TUSC3: variants seen among roughly 807,000 people sequenced by gnomAD.
TUSC3 encodes dolichyl-diphosphooligosaccharide--protein glycosyltransferase subunit TUSC3.
TUSC3 carries 45 observed loss-of-function variants against 44.8 expected under a neutral mutation model. That is an observed-to-expected ratio of 1.00 (90% CI 0.79 to 1.29). The LOEUF (loss-of-function observed/expected upper bound fraction) is 1.29. Ranked by LOEUF, TUSC3 falls within the 50% of genes most tolerant of loss-of-function variation. TUSC3 has a pLI of 0.00. For synonymous variants in TUSC3, 212 were observed against 152.9 expected (o/e 1.39, Z -2.85); for missense variants, 519 against 437.9 (o/e 1.19, Z -1.65).
intron 9 of TUSC3, among the ~76,000 whole-genome samples, chr8:15,756,308 A>G (rs1811926335): frequency 6.6e-6 from 1 of 152,132 alleles, no homozygotes; most frequent in Admixed American, 6.5e-5. Flanking sequence ...CTGTTTCTTA[A>G]TCTGTAAACT....
At chr8:15,575,379 T>C (rs1370864643) in intron 1 of TUSC3, among the ~76,000 whole-genome samples, 1 of 152,196 alleles carries the variant, frequency 6.6e-6, no homozygotes, top group Non-Finnish European at 1.5e-5. Flanking sequence ...AATTTTTATG[T>C]GGCAACTAAT....
At chr8:15,537,042 C>A (rs1164187914), upstream of TUSC3, among the ~76,000 whole-genome samples, 2 of 152,140 alleles carry the variant, frequency 1.3e-5, no homozygotes, top group Non-Finnish European at 2.9e-5. Flanking sequence ...ATCCCCTTTC[C>A]CCTTTGTTTT....
chr8:15,848,831 A>G, the TUSC3 span, among the ~76,000 whole-genome samples: 1 of 152,212 alleles, frequency 6.6e-6, no homozygotes, highest in Non-Finnish European at 1.5e-5. Flanking sequence ...CCTTAAAACA[A>G]GGAGGTTGAA....
chr8:15,679,610 T>G (rs975932262), intron 6 of TUSC3, among the ~76,000 whole-genome samples: 1 of 152,156 alleles, frequency 6.6e-6, no homozygotes, highest in Non-Finnish European at 1.5e-5. Context: ...AGGTTCCACT[T>G]GTCAATTTTT....
At chr8:15,704,428 TG>T (rs1316159001) in intron 6 of TUSC3, among the ~76,000 whole-genome samples, 1 of 151,882 alleles carries the variant, frequency 6.6e-6, no homozygotes. Context: ...TTAGGGACCT[TG>T]AATTTTAATC....
chr8:15,714,185 G>C (rs1809973382), intron 6 of TUSC3, among the ~76,000 whole-genome samples: 1 of 152,106 alleles, frequency 6.6e-6, no homozygotes, highest in Non-Finnish European at 1.5e-5. Flanking sequence ...AAAATGCTCT[G>C]TTATTGGAAT....
At chr8:15,643,399 T>A (rs550080949) in intron 2 of TUSC3, among the ~76,000 whole-genome samples, 1 of 144,916 alleles carries the variant, frequency 6.9e-6, no homozygotes, top group South Asian at 2.3e-4. Flanking sequence ...ATTAATATGT[T>A]ACTGTTAGTT....
At chr8:15,622,387 T>G (rs917613400) in intron 1 of TUSC3, among the ~76,000 whole-genome samples, 5 of 151,878 alleles carry the variant, frequency 3.3e-5, no homozygotes, top group Admixed American at 2.6e-4. Flanking sequence ...CCCACCTTGG[T>G]CTCCCAAAGT....
chr8:15,474,328 TG>T lies in TUSC3; in HGVS notation n.92-9057del, dbSNP rs1471255918. ...GTTAACACAATTATCACAGTGGTCCTGAGGTGATGTACATCCTCAGCTTACA... is the reference window on the plus strand; with the variant it reads ...GTTAACACAATTATCACAGTGGTCCTAGGTGATGTACATCCTCAGCTTACA... On this transcript the variant is annotated intron_variant and non_coding_transcript_variant, in intron 1 of 5. Coordinates refer to the TUSC3 transcript ENST00000503191. 7.6e-4 allele frequency among the ~76,000 whole-genome samples: 116 copies of T among 152,306 alleles called. 1 individual carries two copies. In the East Asian group the frequency reaches 0.018, roughly 23 times the overall value.
intron 6 of TUSC3, among the ~76,000 whole-genome samples, chr8:15,713,592 C>A (rs1370580485): frequency 1.3e-5 from 2 of 152,084 alleles, no homozygotes; most frequent in African/African-American, 4.8e-5. Flanking sequence ...ACATCCGAGA[C>A]CCAGGAGTCA....
intron 1 of TUSC3, among the ~76,000 whole-genome samples, chr8:15,543,153 G>C (rs150777381): frequency 6.6e-6 from 1 of 152,306 alleles, no homozygotes; most frequent in Admixed American, 6.5e-5. Flanking sequence ...CTGTCTAGCT[G>C]ACTTTAAAAC....
intron 6 of TUSC3, among the ~76,000 whole-genome samples, chr8:15,698,306 A>C (rs7813906): frequency 2.6e-5 from 4 of 152,120 alleles, no homozygotes; most frequent in Non-Finnish European, 2.9e-5. Flanking sequence ...TTCTACATCA[A>C]ATTCTGCAAG....
At chr8:15,470,574 C>G (rs932440983) in intron 1 of TUSC3, among the ~76,000 whole-genome samples, 10 of 152,082 alleles carry the variant, frequency 6.6e-5, no homozygotes, top group African/African-American at 2.2e-4. Context: ...AATTCTTGTA[C>G]TTTCTGCCCA....
At chr8:15,500,373 A>G (rs570955950) in intron 2 of TUSC3, among the ~76,000 whole-genome samples, 1 of 152,308 alleles carries the variant, frequency 6.6e-6, no homozygotes, top group South Asian at 2.1e-4. Context: ...ATTACCACCA[A>G]AGGTCCCATA....
intron 7 of TUSC3, among the ~76,000 whole-genome samples, chr8:15,740,167 T>C (rs1480358786): frequency 6.6e-6 from 1 of 152,060 alleles, no homozygotes; most frequent in African/African-American, 2.4e-5. Context: ...CCAGTGGAAG[T>C]GAGGGAGTAA....
chr8:15,834,547 C>T, the TUSC3 span, among the ~76,000 whole-genome samples: 1 of 152,092 alleles, frequency 6.6e-6, no homozygotes, highest in Non-Finnish European at 1.5e-5. Flanking sequence ...TCCTTTTTAA[C>T]AAGTTTTCAT....
chr8:15,442,787 G>T (rs1800037925), intron 1 of TUSC3, among the ~76,000 whole-genome samples: 1 of 152,124 alleles, frequency 6.6e-6, no homozygotes, highest in Non-Finnish European at 1.5e-5. Flanking sequence ...CCAAACTTTA[G>T]TCAGGCTCCT....
chr8:15,565,317 T>A (rs1416257624), intron 1 of TUSC3, among the ~76,000 whole-genome samples: 1 of 152,136 alleles, frequency 6.6e-6, no homozygotes, highest in East Asian at 1.9e-4. Flanking sequence ...ACCCTTACTA[T>A]TTTGGATCTA....
chr8:15,562,731 T>G (rs1376658861), intron 1 of TUSC3, among the ~76,000 whole-genome samples: 1 of 152,146 alleles, frequency 6.6e-6, no homozygotes, highest in South Asian at 2.1e-4. Context: ...AGTTCTTTGC[T>G]GCCAACCCCA....
Sources: allele counts gnomAD v4.1 joint callset (sites outside exome capture counted in the v4.1 genomes callset), GRCh38; gene constraint gnomAD v4.1.1; transcripts MANE v1.5; gene names NCBI Gene and HGNC (gene_info 2026-07-23, HGNC 2026-07-21).